The following SSPN variants were observed in gnomAD, a reference collection of about 807,000 sequenced individuals.
The protein encoded by SSPN is K-ras oncogene-associated protein.
SSPN carries 15 observed loss-of-function variants against 19.1 expected under a neutral mutation model. The observed-to-expected ratio is 0.78, with a 90% CI of 0.52 to 1.21. SSPN has a LOEUF of 1.21. Among genes scored for constraint, SSPN ranks in the 50% most tolerant of loss-of-function variants. The pLI is 0.00. For missense variants in SSPN, 291 were observed against 314.0 expected (o/e 0.93, Z 0.55); for synonymous variants, 147 against 140.3 (o/e 1.05, Z -0.34).
At chr12:26,132,799 T>C (rs1327563648) in intron 1 of SSPN, among the ~76,000 whole-genome samples, 1 of 152,210 alleles carries the variant, frequency 6.6e-6, no homozygotes, top group East Asian at 1.9e-4. Flanking sequence ...GTTTAAACTT[T>C]CTCTCTTTGG....
chr12:26,195,789 C>T lies in SSPN; in HGVS notation c.117C>T (p.Cys39=), dbSNP rs946830723. The change falls in exon 1 of 3, where the codon TGC becomes TGT. Residue 39 remains cysteine (C), a synonymous_variant. Coordinates refer to ENST00000242729, the MANE Select transcript of SSPN (RefSeq NM_005086.5). ...AGGGCACGGGGGCCCCCAAGGAGTG[C>T]GGGGAGGAGGAGCCCCGGACCTGCT... is the stretch of plus-strand genomic sequence containing the variant. ...PKKGTGAPKE[C]GEEEPRTCCG... 4 of 1,524,938 alleles carry T rather than the reference C, an allele frequency of 2.6e-6. No homozygotes were observed. The highest frequency in any genetic ancestry group is 2.6e-6 in the Non-Finnish European group (3 of 1,139,206). 94.5% of individuals were successfully genotyped at this position (1,524,938 alleles called of 1,614,324 possible). A position where few individuals can be genotyped will look rare whatever the true frequency, so the allele number is the denominator to read the frequency against.
intron 1 of SSPN, among the ~76,000 whole-genome samples, chr12:26,170,651 A>G (rs1201164171): frequency 6.6e-6 from 1 of 152,208 alleles, no homozygotes; most frequent in Non-Finnish European, 1.5e-5. Flanking sequence ...CCTGTGGTAT[A>G]TGATTTGCTA....
chr12:26,139,885 A>G (rs548686888), intron 1 of SSPN, among the ~76,000 whole-genome samples: 1 of 152,260 alleles, frequency 6.6e-6, no homozygotes, highest in Non-Finnish European at 1.5e-5. Flanking sequence ...TCTGAAGCGG[A>G]CACTCTTTGC....
At chr12:26,194,574 C>T (rs1229634321), upstream of SSPN, among the ~76,000 whole-genome samples, 1 of 152,198 alleles carries the variant, frequency 6.6e-6, no homozygotes, top group Non-Finnish European at 1.5e-5. Context: ...TTAGTGGAGA[C>T]GGGGTTTCAC....
intron 1 of SSPN, among the ~76,000 whole-genome samples, chr12:26,141,283 A>G (rs1489341425): frequency 3.3e-5 from 5 of 152,200 alleles, no homozygotes; most frequent in Admixed American, 2.0e-4. Context: ...GGATGGAGGA[A>G]GGGAGGTAAA....
rs1018379994 is a variant in SSPN at position 26,139,354 on chromosome 12, A to G, written c.-31+17202A>G. ...TCATACAGTGAAGACATTTGTTAGA[A>G]CCTCATTTATTCATCATTGATATGA... On this transcript the variant is annotated intron_variant, in intron 1 of 2. Coordinates refer to the SSPN transcript ENST00000538142. 5.3e-5 allele frequency among the ~76,000 whole-genome samples: 8 copies of G among 152,152 alleles called. No homozygotes were observed. The South Asian group carries it at 1.7e-3, about 32-fold the overall frequency.
At chr12:26,124,702 G>A (rs2137390336) in intron 1 of SSPN, 1 of 1,614,004 alleles carries the variant, frequency 6.2e-7, no homozygotes, top group South Asian at 1.1e-5. Context: ...TATTCGCAAG[G>A]GTGCGTGCAC....
chr12:26,233,046 T>C lies in SSPN; in HGVS notation c.*1970T>C, dbSNP rs1945251412. On this transcript the variant is annotated 3_prime_UTR_variant, in exon 3 of 3. Coordinates refer to ENST00000242729, the MANE Select transcript of SSPN (RefSeq NM_005086.5). The surrounding 1 kb of genome is among the most constrained non-coding windows in gnomAD (Gnocchi z 4.3). ...ATCTGGAATGTTGTAGTCCATCCTT[T>C]AAAGAGTAAGAAAGTAGCAGTTAAT... is the stretch of plus-strand genomic sequence containing the variant. 1.3e-5 allele frequency: 2 copies of C among 152,046 alleles called. No individual in the cohort carries two copies. The highest frequency in any genetic ancestry group is 4.2e-4 in the South Asian group (2 of 4,818). The allele number at this position is 152,046 out of a possible 1,614,324, so 9.4% of individuals were successfully genotyped here.
intron 1 of SSPN, among the ~76,000 whole-genome samples, chr12:26,142,209 G>C (rs1424566044): frequency 1.3e-5 from 2 of 152,128 alleles, no homozygotes; most frequent in African/African-American, 4.8e-5. Flanking sequence ...GGCATGAAAG[G>C]GTTTTAAGCA....
At chr12:26,146,259 A>T (rs964633352) in intron 1 of SSPN, among the ~76,000 whole-genome samples, 3 of 152,162 alleles carry the variant, frequency 2.0e-5, no homozygotes, top group African/African-American at 7.2e-5. Flanking sequence ...GATGGGATGG[A>T]TTCATCATCA....
Position 26,195,641 on chromosome 12 carries a change from G to GCGGGGGGGCCCCCCCCC in SSPN, c.-31_-30insGGGGGGGCCCCCCCCCC. The GCGGGGGGGCCCCCCCCC allele has an allele frequency of 3.6e-6, 4 of 1,105,398 alleles. No homozygotes were observed. The highest frequency in any genetic ancestry group is 4.6e-6 in the Non-Finnish European group (4 of 878,116). 68.5% of individuals were successfully genotyped at this position (1,105,398 alleles called of 1,614,324 possible). A position where few individuals can be genotyped will look rare whatever the true frequency, so the allele number is the denominator to read the frequency against. On this transcript the variant is annotated 5_prime_UTR_variant, in exon 1 of 3. Coordinates refer to ENST00000242729, the MANE Select transcript of SSPN (RefSeq NM_005086.5). ...CTCCAGGGCCCAGGGCGCCGCACACGCACCCACCCACCCACCCAGCCTCGC... is the reference window on the plus strand; with the variant it reads ...CTCCAGGGCCCAGGGCGCCGCACACGCGGGGGGGCCCCCCCCCCACCCACCCACCCACCCAGCCTCGC...
Position 26,164,238 on chromosome 12 carries a change from G to A in SSPN, c.-31+42086G>A, listed in dbSNP as rs147808396. ...GACCAACCTGCATATGAATCATGGCGCAAGCTTGTTTAAAATGGATTCTCA... is the reference window on the plus strand; with the variant it reads ...GACCAACCTGCATATGAATCATGGCACAAGCTTGTTTAAAATGGATTCTCA... On this transcript the variant is annotated intron_variant, in intron 1 of 2. Coordinates refer to the SSPN transcript ENST00000538142. 9.9e-4 allele frequency among the ~76,000 whole-genome samples: 151 copies of A among 152,304 alleles called. 1 individual carries two copies. The East Asian group carries it at 0.019, about 19-fold the overall frequency.
At chr12:26,201,698 C>T (rs973490423) in intron 1 of SSPN, among the ~76,000 whole-genome samples, 1 of 151,772 alleles carries the variant, frequency 6.6e-6, no homozygotes, top group African/African-American at 2.4e-5. Context: ...TCTCTGGAAG[C>T]TTTTGAGATG....
intron 1 of SSPN, among the ~76,000 whole-genome samples, chr12:26,201,036 T>TAC (rs1345999478): frequency 1.6e-5 from 1 of 61,142 alleles, no homozygotes; most frequent in Non-Finnish European, 3.0e-5. Flanking sequence ...TATATATATA[T>TAC]ATATATATAT....
chr12:26,162,081 G>A (rs1473021659), intron 1 of SSPN, among the ~76,000 whole-genome samples: 3 of 152,110 alleles, frequency 2.0e-5, no homozygotes, highest in Non-Finnish European at 4.4e-5. Context: ...AATGTTTTTG[G>A]TGCATATTTT....
intron 1 of SSPN, among the ~76,000 whole-genome samples, chr12:26,146,772 G>A (rs1170553159): frequency 3.6e-5 from 5 of 139,070 alleles, no homozygotes; most frequent in South Asian, 2.3e-4. Flanking sequence ...GCAGTTAGCC[G>A]AGATGGGCCA....
chr12:26,160,664 C>G (rs756562876), intron 1 of SSPN, among the ~76,000 whole-genome samples: 27 of 152,208 alleles, frequency 1.8e-4, no homozygotes, highest in Non-Finnish European at 3.8e-4. Flanking sequence ...TCATAGCCTG[C>G]TATCACCCTA....
At chr12:26,199,033 C>T (rs1220211916) in intron 1 of SSPN, among the ~76,000 whole-genome samples, 3 of 152,162 alleles carry the variant, frequency 2.0e-5, no homozygotes, top group Admixed American at 1.3e-4. Flanking sequence ...CTTCTGTTTC[C>T]CTTTATTCTG....
chr12:26,123,269 C>A, intron 1 of SSPN: 1 of 1,393,324 alleles, frequency 7.2e-7, no homozygotes, highest in Non-Finnish European at 9.5e-7. Flanking sequence ...CCTGCATCGA[C>A]TAAAGTGATC....
Sources: allele counts gnomAD v4.1 joint callset (sites outside exome capture counted in the v4.1 genomes callset), GRCh38; gene constraint gnomAD v4.1.1; non-coding constraint Gnocchi (gnomAD v3.1); transcripts MANE v1.5; gene names NCBI Gene and HGNC (gene_info 2026-07-23, HGNC 2026-07-21).